ZNF384: variants seen among roughly 807,000 people sequenced by gnomAD.
ZNF384 encodes the protein zinc finger protein 384.
A neutral mutation model predicts 65.0 loss-of-function variants in ZNF384; 20 were observed. The observed-to-expected ratio is 0.31, with a 90% CI of 0.22 to 0.45. The LOEUF (loss-of-function observed/expected upper bound fraction) is 0.45. ZNF384 is among the 20% of genes least tolerant of loss of function. The pLI is 1.00. For missense variants in ZNF384, 549 were observed against 769.4 expected, an observed-to-expected ratio of 0.71 and a Z score of 3.39; for synonymous variants, 310 against 303.9, an observed-to-expected ratio of 1.02 and a Z score of -0.21.
intron 2 of ZNF384, among the ~76,000 whole-genome samples, chr12:6,682,370 CAAA>C (rs1956336712): frequency 2.2e-5 from 3 of 139,308 alleles, no homozygotes; most frequent in Non-Finnish European, 4.7e-5. Context: ...CAAAACAAAA[CAAA>C]ACATGCAAGT....
In ZNF384 at chr12:6,685,296, C is replaced by T. The variant is rs1039455614; in HGVS notation, c.-6+2871G>A. ...CATTATCACGCCACTGCACTCCAGT[C>T]TGGCCAAAAGAGTGAGACCCTGTCT... On this transcript the variant is annotated intron_variant, in intron 2 of 11. Coordinates refer to ENST00000683879, the MANE Select transcript of ZNF384 (RefSeq NM_001385745.1). 4.2e-5 allele frequency among the ~76,000 whole-genome samples: 6 copies of T among 143,404 alleles called. 1 individual carries two copies. The highest frequency in any genetic ancestry group is 2.8e-4 in the Admixed American group (4 of 14,188). 94.1% of individuals were successfully genotyped at this position (143,404 alleles called of 152,430 possible). A position where few individuals can be genotyped will look rare whatever the true frequency, so the allele number is the denominator to read the frequency against.
intron 10 of ZNF384, among the ~76,000 whole-genome samples, chr12:6,670,509 G>A (rs113522531): frequency 0.03 from 4,511 of 152,220 alleles, 83 homozygotes; most frequent in Admixed American, 0.044. Context: ...CTTGGAATAT[G>A]TTATTTATGT....
intron 6 of ZNF384, 133 bp downstream of exon 6, chr12:6,677,994 G>A: frequency 2.5e-6 from 2 of 788,174 alleles, no homozygotes; most frequent in Non-Finnish European, 4.1e-6. Flanking sequence ...TGGGACACCT[G>A]ACATGCAAGT....
rs1459683364 is a variant in ZNF384, at chr12:6,667,888, G to A, written c.1653C>T (p.His551=). 2 of 1,610,856 alleles carry A rather than the reference G, an allele frequency of 1.2e-6. No homozygotes were observed. Among genetic ancestry groups the A allele is most frequent in the South Asian group, 2.2e-5 (2 of 90,902 alleles). The change falls in exon 12 of 12, where the codon CAC becomes CAT. Residue 551 remains histidine, a synonymous_variant. Coordinates refer to ENST00000683879, the MANE Select transcript of ZNF384 (RefSeq NM_001385745.1). ...GGGGGGCTGCCCCAGGAGACTGGAA[G>A]TGTGGTGGTGGCTGTTGCTGCTGCT... ...QQQQQQQPPP[H]FQSPGAAPQG... is the part of the protein sequence containing the mutation.
rs1956991312 is a variant in ZNF384, at chr12:6,683,855, G to T, written c.-6+4312C>A. Among the ~76,000 whole-genome samples the T allele has an allele frequency of 4.6e-5, 7 of 151,436 alleles. No homozygotes were observed. The South Asian group carries it at 1.5e-3, about 32-fold the overall frequency. On this transcript the variant is annotated intron_variant, in intron 2 of 11. Coordinates refer to ENST00000683879, the MANE Select transcript of ZNF384 (RefSeq NM_001385745.1). ...AAGATGGTGAAACCTTGTCTCTACT[G>T]AAAGTACAAATATTAGCCAGGCATG...
chr12:6,677,370 T>C, intron 6 of ZNF384, 111 bp from the exon 7 acceptor site: 2 of 1,153,542 alleles, frequency 1.7e-6, no homozygotes, highest in African/African-American at 1.6e-5. Flanking sequence ...TGACAGTAGT[T>C]ATCCCACTCT....
At chr12:6,688,761 G>T in intron 1 of ZNF384, 1 of 152,488 alleles carries the variant, frequency 6.6e-6, no homozygotes, top group Non-Finnish European at 1.5e-5. Context: ...ATCTACTGGA[G>T]ACCCCAGCTG....
chr12:6,668,090 C>T lies in ZNF384; in HGVS notation c.1451G>A (p.Arg484His), dbSNP rs1180499779. ...CTGAAGATCAGGCGGGTTGTGTTTGCGCATATGTTTCATAAGGTATGTTTC... is the reference window on the plus strand; with the variant it reads ...CTGAAGATCAGGCGGGTTGTGTTTGTGCATATGTTTCATAAGGTATGTTTC... ...TSETYLMKHM[R>H]KHNPPDLQQQ... is the part of the protein sequence containing the mutation. Residue 484 changes from arginine to histidine, a missense_variant, in exon 12 of 12, where the codon CGC (arginine) becomes CAC (histidine). Transcript: ENST00000683879. 5.0e-6 allele frequency: 8 copies of T among 1,602,906 alleles called. No individual in the cohort carries two copies. The highest frequency in any genetic ancestry group is 2.7e-5 in the African/African-American group (2 of 74,556).
In ZNF384 at chr12:6,679,438, A is replaced by C. The variant is rs376687752; in HGVS notation, c.66+17T>G. On this transcript the variant is annotated intron_variant, in intron 3 of 11. Coordinates refer to ENST00000683879, the MANE Select transcript of ZNF384 (RefSeq NM_001385745.1). ...ACTACTGAGACTTGGAGAGAGCAAG[A>C]AAGCAACACCACTTACCTGACCTGA... 84 of 1,612,930 alleles carry C rather than the reference A, an allele frequency of 5.2e-5. No individual in the cohort carries two copies. In the East Asian group the frequency reaches 6.9e-4, roughly 13 times the overall value.
intron 10 of ZNF384, among the ~76,000 whole-genome samples, chr12:6,670,431 A>C (rs1951086155): frequency 6.6e-6 from 1 of 152,206 alleles, no homozygotes; most frequent in Non-Finnish European, 1.5e-5. Context: ...TGTCCCAAAA[A>C]TAAAAAATAG....
At position 6,689,155 on chromosome 12, in the gene ZNF384, GT is replaced by G. The variant is rs1452998991; in HGVS notation, c.-124del. 9 of 152,836 alleles carry G rather than the reference GT, an allele frequency of 5.9e-5. No individual in the cohort carries two copies. The East Asian group carries it at 1.7e-3, about 30-fold the overall frequency. The allele number at this position is 152,836 out of a possible 1,614,324, so 9.5% of individuals were successfully genotyped here. ...TGAGCCAGGGCGCGGGAGGGGCGGC[GT>G]TTGCTGGGAAAGGAGGGAGCCGAGG... On this transcript the variant is annotated 5_prime_UTR_variant, in exon 1 of 12. Transcript: ENST00000683879.
chr12:6,689,473 A>C (rs943180513), upstream of ZNF384: 3 of 151,844 alleles, frequency 2.0e-5, no homozygotes, highest in Non-Finnish European at 2.9e-5. Context: ...AGAAGGCGGG[A>C]GCGCCGGAAA....
chr12:6,679,788 T>C (rs1955211483), intron 2 of ZNF384, among the ~76,000 whole-genome samples: 1 of 152,218 alleles, frequency 6.6e-6, no homozygotes, highest in African/African-American at 2.4e-5. Flanking sequence ...ATGTTATTCA[T>C]GCCCCCTAAA....
At chr12:6,688,658 TCTAGC>T (rs1331314096) in intron 1 of ZNF384, 1 of 152,508 alleles carries the variant, frequency 6.6e-6, no homozygotes, top group African/African-American at 2.4e-5. Context: ...AGCCACTTCC[TCTAGC>T]CTTCCCCCCA....
chr12:6,674,060 A>G (rs1321191087), intron 7 of ZNF384, among the ~76,000 whole-genome samples: 3 of 151,882 alleles, frequency 2.0e-5, no homozygotes, highest in Admixed American at 6.6e-5. Context: ...TCATCTACCC[A>G]CCCCTTGCCC....
chr12:6,672,186 T>C lies in ZNF384; in HGVS notation c.1187+164A>G, dbSNP rs1951750398. 2.9e-6 allele frequency: 2 copies of C among 682,020 alleles called. No individual in the cohort carries two copies. The highest frequency in any genetic ancestry group is 5.9e-5 in the Admixed American group (2 of 33,706). 42.2% of individuals were successfully genotyped at this position (682,020 alleles called of 1,614,324 possible). A position where few individuals can be genotyped will look rare whatever the true frequency, so the allele number is the denominator to read the frequency against. On this transcript the variant is annotated intron_variant, in intron 9 of 11. Transcript: ENST00000683879. The surrounding 1 kb of genome is among the most constrained non-coding windows in gnomAD (Gnocchi z 4.4). ...CAGAGAAGCTCTGTGTCCACTTGAA[T>C]CTCCAGTGTTGTTTGGTCTTCCTTC...
rs1052680 is a variant in ZNF384, at chr12:6,667,909, C to T, written c.1632G>A (p.Gln544=). The change falls in exon 12 of 12, where the codon CAG becomes CAA. Residue 544 remains glutamine (Q), a synonymous_variant. Transcript: ENST00000683879. ...QQQQQQQQQQ[Q]QQQPPPHFQS... ...GGAAGTGTGGTGGTGGCTGTTGCTGCTGCTGCTGCTGCTGCTGCTGCTGCT... is the reference window on the plus strand; with the variant it reads ...GGAAGTGTGGTGGTGGCTGTTGCTGTTGCTGCTGCTGCTGCTGCTGCTGCT... 6.8e-6 allele frequency: 3 copies of T among 444,348 alleles called. No individual in the cohort carries two copies. The African/African-American group carries it at 6.8e-5, about 10-fold the overall frequency. 27.5% of individuals were successfully genotyped at this position (444,348 alleles called of 1,614,324 possible). A position where few individuals can be genotyped will look rare whatever the true frequency, so the allele number is the denominator to read the frequency against.
At chr12:6,683,443 C>T (rs751147162) in intron 2 of ZNF384, among the ~76,000 whole-genome samples, 14 of 151,244 alleles carry the variant, frequency 9.3e-5, no homozygotes, top group Admixed American at 2.0e-4. Flanking sequence ...TTTGGGAGGG[C>T]GAGGTAGGTG....
At position 6,668,106 on chromosome 12, in the gene ZNF384, G is replaced by A. The variant is rs1950233318; in HGVS notation, c.1435C>T (p.Leu479Phe). 1 of 1,589,748 alleles carries A rather than the reference G, an allele frequency of 6.3e-7. No individual in the cohort carries two copies. The highest frequency in any genetic ancestry group is 1.1e-5 in the South Asian group (1 of 88,210). Reference sequence around the variant, plus strand: ...TTGTGTTTGCGCATATGTTTCATAAGGTATGTTTCCTGAGGGAGATGGTAA... The same window carrying A: ...TTGTGTTTGCGCATATGTTTCATAAAGTATGTTTCCTGAGGGAGATGGTAA... ...CSRAYTSETY[L>F]MKHMRKHNPP... The change falls in exon 12 of 12, where the codon CTT (leucine) becomes TTT (phenylalanine). Residue 479 changes from leucine (L) to phenylalanine (F), a missense_variant. This residue lies in a region of ZNF384 where 136 missense variants were observed against 183.0 expected (regional missense o/e 0.74). Coordinates refer to ENST00000683879, the MANE Select transcript of ZNF384 (RefSeq NM_001385745.1).
Sources: gnomAD v4.1 joint callset for allele counts (sites outside exome capture counted in the v4.1 genomes callset) on GRCh38, gnomAD v4.1.1 for gene constraint, gnomAD v4.1.1 regional missense constraint, Gnocchi (gnomAD v3.1) non-coding constraint, MANE v1.5 for transcripts, NCBI Gene and HGNC (gene_info 2026-07-23, HGNC 2026-07-21) for gene names.